The following MPZ variants were observed in gnomAD, a reference collection of about 807,000 sequenced individuals.
MPZ encodes the protein myelin protein P0.
MPZ carries 13 observed loss-of-function variants against 27.9 expected under a neutral mutation model. The ratio of observed to expected loss-of-function variants is 0.47; its 90% CI spans 0.30 to 0.74. The LOEUF is 0.74. Among genes scored for constraint, MPZ ranks in the 30% least tolerant of loss-of-function variants. The pLI is 0.06. For synonymous variants in MPZ, 118 were observed against 128.9 expected, an observed-to-expected ratio of 0.92 and a Z score of 0.57; for missense variants, 256 against 317.5, an observed-to-expected ratio of 0.81 and a Z score of 1.47.
At chr1:161,309,095 A>C (rs189504102) in intron 1 of MPZ, among the ~76,000 whole-genome samples, 3 of 152,236 alleles carry the variant, frequency 2.0e-5, no homozygotes, top group Non-Finnish European at 4.4e-5. Flanking sequence ...GCCAGGGGGC[A>C]AGGAAAGGGC....
In MPZ at chr1:161,305,527, C is replaced by A. The variant is rs537645117; in HGVS notation, c.*349G>T. The stretch of plus-strand genomic sequence containing the variant: ...CCAGGGGTGAAGGTGGGGGAGAATA[C>A]AATTGCCTGGGGAATGAATTCTGGA... On this transcript the variant is annotated 3_prime_UTR_variant, in exon 6 of 6. Coordinates refer to ENST00000533357, the MANE Select transcript of MPZ (RefSeq NM_000530.8). The A allele has an allele frequency of 2.6e-5, 8 of 306,934 alleles. No homozygotes were observed. In the East Asian group the frequency reaches 5.9e-4, roughly 23 times the overall value. The allele number at this position is 306,934 out of a possible 1,614,324, so 19.0% of individuals were successfully genotyped here. A position where few individuals can be genotyped will look rare whatever the true frequency, so the allele number is the denominator to read the frequency against.
chr1:161,307,992 GT>G (rs71274297), intron 1 of MPZ, among the ~76,000 whole-genome samples: 7 of 151,208 alleles, frequency 4.6e-5, no homozygotes, highest in African/African-American at 9.7e-5. Context: ...GTTTTGTGGA[GT>G]TTTTTTTTCC....
Position 161,306,150 on chromosome 1 carries a change from T to C in MPZ, c.603A>G (p.Lys201=), listed in dbSNP as rs931302071. Residue 201 remains lysine, a synonymous_variant, in exon 5 of 6, where the codon AAA becomes AAG. Coordinates refer to ENST00000533357, the MANE Select transcript of MPZ (RefSeq NM_000530.8). ...QRRLSAMEKG[K]LHKPGKDASK... ...ACGCGTCCTTTCCTGGCTTGTGCAA[T>C]TTCCCCTTCTCCATAGCACTGCAAG... 1 of 1,614,196 alleles carries C rather than the reference T, an allele frequency of 6.2e-7. No individual in the cohort carries two copies. The highest frequency in any genetic ancestry group is 1.3e-5 in the African/African-American group (1 of 75,062).
rs1215409194 is a variant in MPZ at position 161,309,552 on chromosome 1, AT to A, written c.67+286del. ...TTTCTTTTCATATATATATATATAT[AT>A]TTTTTTTTTTTTTGAATTTTACAGA... On this transcript the variant is annotated intron_variant, in intron 1 of 5. Transcript: ENST00000533357. 4.3e-3 allele frequency among the ~76,000 whole-genome samples: 344 copies of A among 80,654 alleles called. 1 individual carries two copies. The highest frequency in any genetic ancestry group is 0.014 in the African/African-American group (238 of 17,342). 52.9% of individuals were successfully genotyped at this position (80,654 alleles called of 152,430 possible). A position where few individuals can be genotyped will look rare whatever the true frequency, so the allele number is the denominator to read the frequency against.
chr1:161,307,988 TGGA>T (rs1473481594), intron 1 of MPZ, among the ~76,000 whole-genome samples: 1 of 149,744 alleles, frequency 6.7e-6, no homozygotes, highest in Non-Finnish European at 1.5e-5. Context: ...AATAGTTTTG[TGGA>T]GTTTTTTTTT....
intron 1 of MPZ, among the ~76,000 whole-genome samples, chr1:161,309,552 A>ATATATATATTT: frequency 2.5e-5 from 2 of 80,644 alleles, no homozygotes; most frequent in Admixed American, 1.3e-4. Context: ...ATATATATAT[A>ATATATATATTT]TTTTTTTTTT....
intron 1 of MPZ, among the ~76,000 whole-genome samples, chr1:161,307,659 AT>A (rs1242586138): frequency 1.3e-5 from 2 of 152,266 alleles, no homozygotes; most frequent in Non-Finnish European, 2.9e-5. Context: ...CAGTAACAGA[AT>A]TCTCTTGAGG....
rs1182302776 is a variant in MPZ, at chr1:161,305,628, G to A, written c.*248C>T. The A allele has an allele frequency of 5.4e-6, 3 of 555,910 alleles. No homozygotes were observed. Among genetic ancestry groups the A allele is most frequent in the South Asian group, 4.8e-5 (2 of 41,254 alleles). The allele number at this position is 555,910 out of a possible 1,614,324, so 34.4% of individuals were successfully genotyped here. The stretch of plus-strand genomic sequence containing the variant: ...AAAGAGGGAAAGCACCTAGACGGGG[G>A]TAAGAGGAGCCTAGGTCCCCCTGCT... On this transcript the variant is annotated 3_prime_UTR_variant, in exon 6 of 6. Coordinates refer to ENST00000533357, the MANE Select transcript of MPZ (RefSeq NM_000530.8).
In MPZ at chr1:161,306,721, A is replaced by T. The variant is rs1571818632; in HGVS notation, c.435T>A (p.Tyr145Ter). 1 of 1,614,054 alleles carries T rather than the reference A, an allele frequency of 6.2e-7. No individual in the cohort carries two copies. The highest frequency in any genetic ancestry group is 8.5e-7 in the Non-Finnish European group (1 of 1,179,996). Residue 145 changes from tyrosine to a stop codon, truncating the protein, a stop_gained, in exon 3 of 6, where the codon TAT becomes TAA. Transcript: ENST00000533357. LOFTEE classifies it high-confidence loss of function. ...IVGKTSQVTL[Y>*]VFEKVPTRYG... ...CCCTTCTCACACCTTTTTCAAAGAC[A>T]TACAGCGTGACCTGAGAGGTCTTGC...
chr1:161,306,452 T>A lies in MPZ; in HGVS notation c.461A>T (p.Tyr154Phe). 6.2e-7 allele frequency: 1 copy of A among 1,614,148 alleles called. No homozygotes were observed. Among genetic ancestry groups the A allele is most frequent in the Non-Finnish European group, 8.5e-7 (1 of 1,180,028 alleles). ...LYVFEKVPTR[Y>F]GVVLGAVIGG... ...GATCACAGCTCCCAGAACGACCCCG[T>A]ACCTAGTTGGCACTAGGAGGGGTGG... is the stretch of plus-strand genomic sequence containing the variant. Residue 154 changes from tyrosine to phenylalanine, a missense_variant, in exon 4 of 6, where the codon TAC (tyrosine) becomes TTC (phenylalanine). This residue lies in a region of MPZ where 155 missense variants were observed against 223.9 expected (regional missense o/e 0.69). Coordinates refer to ENST00000533357, the MANE Select transcript of MPZ (RefSeq NM_000530.8).
chr1:161,309,535 C>CATATATATATATATATATAT (rs568535304), intron 1 of MPZ, among the ~76,000 whole-genome samples: 24 of 112,344 alleles, frequency 2.1e-4, no homozygotes, highest in Non-Finnish European at 3.7e-4. Context: ...TTTTTCTTTT[C>CATATATATATATATATATAT]ATATATATAT....
chr1:161,308,835 C>G (rs937456237), intron 1 of MPZ, among the ~76,000 whole-genome samples: 2 of 152,274 alleles, frequency 1.3e-5, no homozygotes, highest in Admixed American at 1.3e-4. Flanking sequence ...ATGCCCTTCT[C>G]CAACTCTCTA....
At chr1:161,309,796 C>T (rs757520301) in intron 1 of MPZ, 43 bp downstream of exon 1, 3 of 1,494,816 alleles carry the variant, frequency 2.0e-6, no homozygotes, top group Non-Finnish European at 2.7e-6. Context: ...TGCTGAGAGA[C>T]ACCTGAGTCC....
downstream of MPZ, among the ~76,000 whole-genome samples, chr1:161,303,938 A>C (rs1670169042): frequency 6.6e-6 from 1 of 152,160 alleles, no homozygotes. Flanking sequence ...GGTGTTAATC[A>C]TATCTTTAGC....
downstream of MPZ, among the ~76,000 whole-genome samples, chr1:161,303,996 G>A (rs186312068): frequency 2.6e-5 from 4 of 152,106 alleles, no homozygotes; most frequent in Admixed American, 2.6e-4. Flanking sequence ...GGGTTTTTTT[G>A]TGCCATCAGT....
chr1:161,308,193 A>C (rs1670309146), intron 1 of MPZ, among the ~76,000 whole-genome samples: 1 of 152,204 alleles, frequency 6.6e-6, no homozygotes, highest in South Asian at 2.1e-4. Context: ...CTTCCCTGGC[A>C]CAACTGTCCT....
In MPZ at chr1:161,308,058, G is replaced by A. The variant is rs192519114; in HGVS notation, c.68-634C>T. Among the ~76,000 whole-genome samples the A allele has an allele frequency of 2.3e-3, 347 of 152,168 alleles. 1 individual carries two copies. The highest frequency in any genetic ancestry group is 7.8e-3 in the African/African-American group (323 of 41,512). On this transcript the variant is annotated intron_variant, in intron 1 of 5. Coordinates refer to ENST00000533357, the MANE Select transcript of MPZ (RefSeq NM_000530.8). ...TTTTTGCTTAAGAACTTACGTATCTGGAGGAGCTTTCCCTGTTGATTCATA... is the reference window on the plus strand; with the variant it reads ...TTTTTGCTTAAGAACTTACGTATCTAGAGGAGCTTTCCCTGTTGATTCATA...
chr1:161,306,055 G>C (rs1670231021), intron 5 of MPZ, 53 bp downstream of exon 5: 1 of 1,611,978 alleles, frequency 6.2e-7, no homozygotes, highest in South Asian at 1.1e-5. Flanking sequence ...CTGCTGCCCG[G>C]CGGCTCCCAG....
In MPZ at chr1:161,305,031, G is replaced by A. The variant is rs1670195584; in HGVS notation, c.*845C>T. The A allele has an allele frequency of 6.6e-6, 1 of 152,618 alleles. No individual in the cohort carries two copies. Among genetic ancestry groups the A allele is most frequent in the Admixed American group, 6.6e-5 (1 of 15,244 alleles). The allele number at this position is 152,618 out of a possible 1,614,324, so 9.5% of individuals were successfully genotyped here. A position where few individuals can be genotyped will look rare whatever the true frequency, so the allele number is the denominator to read the frequency against. On this transcript the variant is annotated 3_prime_UTR_variant, in exon 6 of 6. Transcript: ENST00000533357. Reference sequence around the variant, plus strand: ...AACAGTGCTCCAAAGTGGTCAGGGGGAACCAATGCTATACTGAAGTGTGAG... The same window carrying A: ...AACAGTGCTCCAAAGTGGTCAGGGGAAACCAATGCTATACTGAAGTGTGAG...
Sources: gnomAD v4.1 joint callset for allele counts (sites outside exome capture counted in the v4.1 genomes callset) on GRCh38, gnomAD v4.1.1 for gene constraint, gnomAD v4.1.1 regional missense constraint, MANE v1.5 for transcripts, NCBI Gene and HGNC (gene_info 2026-07-23, HGNC 2026-07-21) for gene names.